The following PCDHGA9 variants were observed in gnomAD, a reference collection of about 807,000 sequenced individuals.
The protein encoded by PCDHGA9 is protocadherin gamma subfamily A, 9, also known as protocadherin gamma-A9.
PCDHGA9 carries 37 observed loss-of-function variants against 62.5 expected under a neutral mutation model. The ratio of observed to expected loss-of-function variants is 0.59; its 90% CI spans 0.46 to 0.78. The LOEUF is 0.78. Ranked by LOEUF, PCDHGA9 falls within the 30% of genes least tolerant of loss-of-function variation. PCDHGA9 has a pLI of 0.00. For synonymous variants in PCDHGA9, 459 were observed against 484.6 expected (o/e 0.95, Z 0.69); for missense variants, 1,138 against 1,166.2 (o/e 0.98, Z 0.35).
At chr5:141,465,856 C>T (rs1442431032) in intron 1 of PCDHGA9, among the ~76,000 whole-genome samples, 1 of 152,184 alleles carries the variant, frequency 6.6e-6, no homozygotes, top group East Asian at 1.9e-4. Context: ...GGCCCAGTGG[C>T]TCATGCCTGT....
chr5:141,421,879 G>T (rs1458461652), intron 1 of PCDHGA9: 1 of 1,613,746 alleles, frequency 6.2e-7, no homozygotes, highest in Non-Finnish European at 8.5e-7. Context: ...AGCTTTAGAT[G>T]GAGGCGATCC....
Position 141,511,267 on chromosome 5 carries a change from C to T in PCDHGA9, c.*94C>T, listed in dbSNP as rs1223074819. 1.3e-6 allele frequency: 2 copies of T among 1,549,404 alleles called. No homozygotes were observed. Among genetic ancestry groups the T allele is most frequent in the Non-Finnish European group, 1.7e-6 (2 of 1,146,836 alleles). On this transcript the variant is annotated 3_prime_UTR_variant, in exon 4 of 4. Transcript: ENST00000573521. ...CCAGGCCTCAGAGTTTCAGGGCTAA[C>T]CCCCAGAATACTGGTAGGGGCCAAG...
intron 1 of PCDHGA9, chr5:141,484,853 G>T (rs747582810): frequency 2.5e-4 from 64 of 251,466 alleles, no homozygotes; most frequent in Non-Finnish European, 4.3e-4. Flanking sequence ...GGGTTTTTTG[G>T]GGGGTGGGGG....
At chr5:141,423,797 C>A in intron 1 of PCDHGA9, 2 of 1,249,164 alleles carry the variant, frequency 1.6e-6, no homozygotes, top group African/African-American at 1.6e-5. Flanking sequence ...ATATTTAGAG[C>A]AATACATGTG....
At chr5:141,503,116 A>G (rs1303445673) in intron 2 of PCDHGA9, among the ~76,000 whole-genome samples, 11 of 151,656 alleles carry the variant, frequency 7.3e-5, no homozygotes, top group Admixed American at 4.6e-4. Flanking sequence ...GCCTCTCTTC[A>G]TACCCTCTGG....
rs1452697214 is a variant in PCDHGA9 at position 141,476,552 on chromosome 5, G to T, written c.2425-18255G>T. ...CCAGGAAATGAAATTGGAGATTAGC[G>T]AGGCCGTGGCTCCGGGGACGCGCTT... On this transcript the variant is annotated intron_variant, in intron 1 of 3. Transcript: ENST00000573521. The surrounding 1 kb of genome is among the most constrained non-coding windows in gnomAD (Gnocchi z 7.6). 6.2e-7 allele frequency: 1 copy of T among 1,614,210 alleles called. No individual in the cohort carries two copies. The highest frequency in any genetic ancestry group is 2.2e-5 in the East Asian group (1 of 44,872).
chr5:141,455,616 A>G (rs2154565146), intron 1 of PCDHGA9, among the ~76,000 whole-genome samples: 1 of 152,244 alleles, frequency 6.6e-6, no homozygotes, highest in South Asian at 2.1e-4. Flanking sequence ...GGATGTTCTA[A>G]ACACGTGGAG....
At chr5:141,421,387 G>A in intron 1 of PCDHGA9, 3 of 1,614,054 alleles carry the variant, frequency 1.9e-6, no homozygotes, top group Non-Finnish European at 2.5e-6. Context: ...CAAGGACCTG[G>A]GGCTGGAGCC....
At chr5:141,421,211 T>A (rs866635411) in intron 1 of PCDHGA9, 8 of 1,541,100 alleles carry the variant, frequency 5.2e-6, no homozygotes. Flanking sequence ...CCGCGGAATA[T>A]CGGCTTAGAG....
intron 1 of PCDHGA9, among the ~76,000 whole-genome samples, chr5:141,444,152 ATTTTTTTTTTTTTTTTTT>A (rs747671382): frequency 4.1e-4 from 14 of 33,898 alleles, no homozygotes; most frequent in South Asian, 2.1e-3. Flanking sequence ...TGTGTACTGG[ATTTTTTTTTTTTTTTTTT>A]TTTTTTTTTT....
chr5:141,505,041 C>T (rs1028101225), intron 2 of PCDHGA9, among the ~76,000 whole-genome samples: 4 of 152,142 alleles, frequency 2.6e-5, no homozygotes, highest in African/African-American at 9.7e-5. Flanking sequence ...AGGTGCCTGT[C>T]ATCCCAGCTA....
intron 1 of PCDHGA9, chr5:141,414,421 A>C (rs1250470349): frequency 6.2e-7 from 1 of 1,613,894 alleles, no homozygotes; most frequent in East Asian, 2.2e-5. Context: ...AGCCCTTGAC[A>C]GGGAACAGGT....
At chr5:141,427,863 G>A (rs769808388) in intron 1 of PCDHGA9, 1 of 1,557,316 alleles carries the variant, frequency 6.4e-7, no homozygotes, top group Non-Finnish European at 8.8e-7. Context: ...GTGCGCCTTC[G>A]AGCTCACGAT....
At position 141,477,020 on chromosome 5, in the gene PCDHGA9, G is replaced by A; in HGVS notation, c.2425-17787G>A. The A allele has an allele frequency of 6.2e-7, 1 of 1,614,224 alleles. No individual in the cohort carries two copies. Among genetic ancestry groups the A allele is most frequent in the Non-Finnish European group, 8.5e-7 (1 of 1,180,048 alleles). ...ACTATTCGCCTTAGACCTTGTAACC[G>A]GGATGCTGACAATCAAGGGTCGGCT... On this transcript the variant is annotated intron_variant, in intron 1 of 3. Transcript: ENST00000573521. This position sits in a 1 kb window ranked among gnomAD's most constrained non-coding sequence, Gnocchi z 4.9.
In PCDHGA9 at chr5:141,490,959, C is replaced by T. The variant is rs1385897960; in HGVS notation, c.2425-3848C>T. ...TGCACCCACGGCCAGACTGGGAACA[C>T]TCAGCCCCCCAGCGTCTCCCTCGCT... On this transcript the variant is annotated intron_variant, in intron 1 of 3. Transcript: ENST00000573521. The surrounding 1 kb of genome is among the most constrained non-coding windows in gnomAD (Gnocchi z 5.4). 6.2e-7 allele frequency: 1 copy of T among 1,613,844 alleles called. No individual in the cohort carries two copies. Among genetic ancestry groups the T allele is most frequent in the South Asian group, 1.1e-5 (1 of 91,038 alleles).
intron 1 of PCDHGA9, among the ~76,000 whole-genome samples, chr5:141,445,924 A>G (rs1451439271): frequency 6.6e-6 from 1 of 152,184 alleles, no homozygotes; most frequent in Non-Finnish European, 1.5e-5. Flanking sequence ...GTGACAAGAT[A>G]TTTGAATTAT....
At chr5:141,406,748 A>G (rs180930343) in intron 1 of PCDHGA9, among the ~76,000 whole-genome samples, 80 of 152,312 alleles carry the variant, frequency 5.3e-4, no homozygotes, top group Non-Finnish European at 1.5e-4. Context: ...GTGAAATGAC[A>G]AAACAAGGAA....
intron 1 of PCDHGA9, chr5:141,427,068 G>A (rs1407368715): frequency 2.2e-6 from 1 of 457,950 alleles, no homozygotes; most frequent in East Asian, 6.9e-5. Flanking sequence ...TGTACTAAAG[G>A]TGACAGCCAC....
chr5:141,497,540 CTTT>C (rs754207034), intron 2 of PCDHGA9, among the ~76,000 whole-genome samples: 11 of 134,886 alleles, frequency 8.2e-5, no homozygotes, highest in African/African-American at 1.9e-4. Context: ...TGCAACAAAC[CTTT>C]TTTTTTTTTT....
Sources: allele counts gnomAD v4.1 joint callset (sites outside exome capture counted in the v4.1 genomes callset), GRCh38; gene constraint gnomAD v4.1.1; non-coding constraint Gnocchi (gnomAD v3.1); transcripts MANE v1.5; gene names NCBI Gene and HGNC (gene_info 2026-07-23, HGNC 2026-07-21).